The following UBE2O variants were observed in gnomAD, a reference collection of about 807,000 sequenced individuals.
The protein encoded by UBE2O is (E3-independent) E2 ubiquitin-conjugating enzyme.
UBE2O carries 15 observed loss-of-function variants against 125.8 expected under a neutral mutation model. That is an observed-to-expected ratio of 0.12 (90% CI 0.08 to 0.18). UBE2O has a LOEUF of 0.18. Ranked by LOEUF, UBE2O falls within the 10% of genes least tolerant of loss-of-function variation. The pLI, the probability that UBE2O is intolerant of heterozygous loss-of-function variation, is 1.00. For synonymous variants in UBE2O, 708 were observed against 703.2 expected, an observed-to-expected ratio of 1.01 and a Z score of -0.11; for missense variants, 1,280 against 1,723.6, an observed-to-expected ratio of 0.74 and a Z score of 4.56.
At position 76,453,077 on chromosome 17, in the gene UBE2O, G is replaced by A. The variant is rs1245120922; in HGVS notation, c.65C>T (p.Pro22Leu). The A allele has an allele frequency of 1.6e-5, 19 of 1,213,216 alleles. No individual in the cohort carries two copies. Among genetic ancestry groups the A allele is most frequent in the Non-Finnish European group, 1.7e-5 (16 of 929,128 alleles). The allele number at this position is 1,213,216 out of a possible 1,614,324, so 75.2% of individuals were successfully genotyped here. Residue 22 changes from proline (P) to leucine (L), a missense_variant, in exon 1 of 18, where the codon CCG (proline) becomes CTG (leucine). Physicochemically the swap from Pro to Leu is moderately conservative, Grantham distance 98. This residue lies in a region of UBE2O where 188 missense variants were observed against 192.5 expected (regional missense o/e 0.98). Coordinates refer to ENST00000319380, the MANE Select transcript of UBE2O (RefSeq NM_022066.4). ...PAPAQAPAPAPEAVPAPAAAP... is the reference protein window; with the variant it reads ...PAPAQAPAPALEAVPAPAAAP... The stretch of plus-strand genomic sequence containing the variant: ...TGCGGCTGGGGCCGGGACTGCCTCC[G>A]GGGCTGGAGCCGGGGCCTGGGCTGG...
At chr17:76,443,105 G>T (rs1424827882) in intron 1 of UBE2O, among the ~76,000 whole-genome samples, 1 of 152,048 alleles carries the variant, frequency 6.6e-6, no homozygotes, top group Non-Finnish European at 1.5e-5. Context: ...AATTCAGGAG[G>T]AAATATATTT....
intron 1 of UBE2O, among the ~76,000 whole-genome samples, chr17:76,422,094 G>C (rs372558): frequency 0.56 from 85,472 of 152,034 alleles, 25,673 homozygotes; most frequent in South Asian, 0.68. Flanking sequence ...ATGTTTTTGA[G>C]ACCTCTATGT....
intron 1 of UBE2O, among the ~76,000 whole-genome samples, chr17:76,415,818 T>G (rs1337425250): frequency 6.6e-6 from 1 of 151,864 alleles, no homozygotes; most frequent in East Asian, 1.9e-4. Context: ...TGTGTGTGTG[T>G]GTGTGTGTGT....
At position 76,391,245 on chromosome 17, in the gene UBE2O, C is replaced by T; in HGVS notation, c.3577G>A (p.Gly1193Arg). The T allele has an allele frequency of 6.2e-7, 1 of 1,613,428 alleles. No individual in the cohort carries two copies. Among genetic ancestry groups the T allele is most frequent in the Middle Eastern group, 1.7e-4 (1 of 6,058 alleles). The part of the protein sequence containing the change: ...QEPEDGGPAP[G>R]EASQGSDSEG... ...GAGTCTGAGCCCTGGGAGGCCTCTC[C>T]TGGGGCTGGCCCTCCATCCTCAGGT... The change falls in exon 18 of 18, where the codon GGA becomes AGA. Residue 1193 changes from glycine to arginine, a missense_variant. By Grantham distance (125) the Gly-to-Arg change is moderately radical. This residue lies in a region of UBE2O where 233 missense variants were observed against 279.0 expected (regional missense o/e 0.84). Transcript: ENST00000319380. The surrounding 1 kb of genome is among the most constrained non-coding windows in gnomAD (Gnocchi z 8.4).
chr17:76,429,708 G>A (rs1598613108), intron 1 of UBE2O, among the ~76,000 whole-genome samples: 1 of 152,288 alleles, frequency 6.6e-6, no homozygotes, highest in Middle Eastern at 3.4e-3. Context: ...GGCAGGTCTT[G>A]TTGCTGACAT....
In UBE2O at chr17:76,396,065, G is replaced by A; in HGVS notation, c.2809+63C>T. 1 of 1,568,288 alleles carries A rather than the reference G, an allele frequency of 6.4e-7. No homozygotes were observed. Reference sequence around the variant, plus strand: ...ACTAACCACCCTGCACCCAGATCTGGTGACACAAACAGGAGCCCCGAGAAG... The same window carrying A: ...ACTAACCACCCTGCACCCAGATCTGATGACACAAACAGGAGCCCCGAGAAG... On this transcript the variant is annotated intron_variant, in intron 14 of 17. Transcript: ENST00000319380. The surrounding 1 kb of genome is among the most constrained non-coding windows in gnomAD (Gnocchi z 6.7).
chr17:76,449,641 G>A (rs1278717112), intron 1 of UBE2O, among the ~76,000 whole-genome samples: 3 of 151,670 alleles, frequency 2.0e-5, no homozygotes, highest in East Asian at 2.0e-4. Flanking sequence ...AGTTTCGGGC[G>A]GGTGCGGTGG....
At chr17:76,415,206 T>G (rs1358716674) in intron 1 of UBE2O, among the ~76,000 whole-genome samples, 1 of 152,154 alleles carries the variant, frequency 6.6e-6, no homozygotes, top group Non-Finnish European at 1.5e-5. Flanking sequence ...GATGCCATGT[T>G]AGTTCACGGA....
chr17:76,426,762 C>A (rs1272670253), intron 1 of UBE2O, among the ~76,000 whole-genome samples: 6 of 152,202 alleles, frequency 3.9e-5, no homozygotes, highest in Admixed American at 3.9e-4. Flanking sequence ...TTAATCCTCT[C>A]CAAATTAGTG....
chr17:76,395,733 C>T lies in UBE2O; in HGVS notation c.2938G>A (p.Asp980Asn), dbSNP rs1227844265. 11 of 1,613,858 alleles carry T rather than the reference C, an allele frequency of 6.8e-6. No individual in the cohort carries two copies. Among genetic ancestry groups the T allele is most frequent in the Non-Finnish European group, 9.3e-6 (11 of 1,179,926 alleles). The change falls in exon 15 of 18, where the codon GAT becomes AAT. Residue 980 changes from aspartate to asparagine, a missense_variant. Transcript: ENST00000319380. The surrounding 1 kb of genome is among the most constrained non-coding windows in gnomAD (Gnocchi z 5.0). ...PEGIMVKTFE[D>N]RMDLFSALIK... is the part of the protein sequence containing the mutation. The stretch of plus-strand genomic sequence containing the variant: ...ATGCCAAGCCTACTTGCCATTCTAT[C>T]TTCAAAAGTCTTGACCATGATGCCC...
chr17:76,405,259 C>T lies in UBE2O; in HGVS notation c.535G>A (p.Gly179Ser), dbSNP rs769964343. 8 of 1,613,486 alleles carry T rather than the reference C, an allele frequency of 5.0e-6. No individual in the cohort carries two copies. The South Asian group carries it at 5.5e-5, about 11-fold the overall frequency. ...VNIDCAVKLIGTNCIIYPVNS... is the reference protein window; with the variant it reads ...VNIDCAVKLISTNCIIYPVNS... ...ACGGGATAGATGATGCAGTTGGTGCCGATGAGCTTGACGGCACAGTCGATG... is the reference window on the plus strand; with the variant it reads ...ACGGGATAGATGATGCAGTTGGTGCTGATGAGCTTGACGGCACAGTCGATG... The change falls in exon 3 of 18, where the codon GGC becomes AGC. Residue 179 changes from glycine (G) to serine (S), a missense_variant. By Grantham distance (56) the Gly-to-Ser change is moderately conservative. Transcript: ENST00000319380. The surrounding 1 kb of genome is among the most constrained non-coding windows in gnomAD (Gnocchi z 6.1).
rs2072269181 is a variant in UBE2O, at chr17:76,399,083, G to T, written c.1629-92C>A. ...TTTCTGTCCCTTCCTGTCCCTGTGG[G>T]CTTGGTAACCTGAAACTCTGAATCC... On this transcript the variant is annotated intron_variant, in intron 9 of 17. Transcript: ENST00000319380. This position sits in a 1 kb window ranked among gnomAD's most constrained non-coding sequence, Gnocchi z 6.9. 1 of 1,485,582 alleles carries T rather than the reference G, an allele frequency of 6.7e-7. No homozygotes were observed. The highest frequency in any genetic ancestry group is 9.0e-7 in the Non-Finnish European group (1 of 1,110,062). The allele number at this position is 1,485,582 out of a possible 1,614,324, so 92.0% of individuals were successfully genotyped here.
At position 76,392,127 on chromosome 17, in the gene UBE2O, G is replaced by A. The variant is rs2072123801; in HGVS notation, c.2947-14C>T. 4.5e-6 allele frequency: 5 copies of A among 1,121,316 alleles called. No individual in the cohort carries two copies. Among genetic ancestry groups the A allele is most frequent in the Admixed American group, 2.9e-5 (1 of 34,922 alleles). The allele number at this position is 1,121,316 out of a possible 1,614,324, so 69.5% of individuals were successfully genotyped here. A position where few individuals can be genotyped will look rare whatever the true frequency, so the allele number is the denominator to read the frequency against. ...TGAGAAGAGGTCCTAGGTAGGGAGGGAGGGAGGGAGGCCAAGGTTGGCAGG... is the reference window on the plus strand; with the variant it reads ...TGAGAAGAGGTCCTAGGTAGGGAGGAAGGGAGGGAGGCCAAGGTTGGCAGG... On this transcript the variant is annotated splice_polypyrimidine_tract_variant and intron_variant, in intron 15 of 17. Transcript: ENST00000319380.
rs765083048 is a variant in UBE2O, at chr17:76,397,826, G to A, written c.2088C>T (p.Asp696=). 2 of 1,614,198 alleles carry A rather than the reference G, an allele frequency of 1.2e-6. No homozygotes were observed. Among genetic ancestry groups the A allele is most frequent in the Non-Finnish European group, 1.7e-6 (2 of 1,180,040 alleles). Residue 696 remains aspartate (D), a synonymous_variant, in exon 13 of 18, where the codon GAC becomes GAT. Coordinates refer to ENST00000319380, the MANE Select transcript of UBE2O (RefSeq NM_022066.4). The part of the protein sequence containing the change: ...VSSKVEVVWA[D]NSKTIILPQH... Reference sequence around the variant, plus strand: ...GGGGCAGGATGATGGTCTTTGAGTTGTCAGCCCACACCACCTCCACCTTGC... The same window carrying A: ...GGGGCAGGATGATGGTCTTTGAGTTATCAGCCCACACCACCTCCACCTTGC...
chr17:76,414,546 CCT>C (rs933167210), intron 1 of UBE2O, among the ~76,000 whole-genome samples: 9 of 152,354 alleles, frequency 5.9e-5, no homozygotes, highest in Middle Eastern at 3.4e-3. Flanking sequence ...CGCCCTCACC[CCT>C]GACACCCTCT....
At chr17:76,416,372 A>C (rs559234991) in intron 1 of UBE2O, among the ~76,000 whole-genome samples, 4 of 152,264 alleles carry the variant, frequency 2.6e-5, no homozygotes, top group African/African-American at 9.6e-5. Context: ...ATCATCTGAA[A>C]AAGTTCCCCA....
At chr17:76,450,810 A>G (rs7223553) in intron 1 of UBE2O, among the ~76,000 whole-genome samples, 86,782 of 151,944 alleles carry the variant, frequency 0.57, 26,223 homozygotes, top group South Asian at 0.68. Context: ...TAGTAGAGAC[A>G]GGGTTTCTCC....
chr17:76,400,338 T>G lies in UBE2O; in HGVS notation c.1005-41A>C. ...GTGGGGGTGAGCTGGGCTGGACTCC[T>G]GGGAGGCCAGCAGTGTTCTTAAGCC... On this transcript the variant is annotated intron_variant, in intron 7 of 17. Transcript: ENST00000319380. This position sits in a 1 kb window ranked among gnomAD's most constrained non-coding sequence, Gnocchi z 4.3. The G allele has an allele frequency of 1.2e-6, 2 of 1,606,928 alleles. No individual in the cohort carries two copies. Among genetic ancestry groups the G allele is most frequent in the Non-Finnish European group, 1.7e-6 (2 of 1,175,144 alleles).
chr17:76,396,892 G>A lies in UBE2O; in HGVS notation c.2116-71C>T, dbSNP rs985590398. 2.9e-6 allele frequency: 4 copies of A among 1,369,668 alleles called. No homozygotes were observed. Among genetic ancestry groups the A allele is most frequent in the Admixed American group, 4.4e-5 (2 of 45,976 alleles). 84.8% of individuals were successfully genotyped at this position (1,369,668 alleles called of 1,614,324 possible). A position where few individuals can be genotyped will look rare whatever the true frequency, so the allele number is the denominator to read the frequency against. On this transcript the variant is annotated intron_variant, in intron 13 of 17. Coordinates refer to ENST00000319380, the MANE Select transcript of UBE2O (RefSeq NM_022066.4). The surrounding 1 kb of genome is among the most constrained non-coding windows in gnomAD (Gnocchi z 6.7). ...CTCCCCACCACTAAGGAGGAGCTCTGGGGATCCCTGATCCGCACAGCTGAT... is the reference window on the plus strand; with the variant it reads ...CTCCCCACCACTAAGGAGGAGCTCTAGGGATCCCTGATCCGCACAGCTGAT...
Sources: gnomAD v4.1 joint callset for allele counts (sites outside exome capture counted in the v4.1 genomes callset) on GRCh38, gnomAD v4.1.1 for gene constraint, gnomAD v4.1.1 regional missense constraint, Gnocchi (gnomAD v3.1) non-coding constraint, MANE v1.5 for transcripts, NCBI Gene and HGNC (gene_info 2026-07-23, HGNC 2026-07-21) for gene names.